Variants in CACNA1G observed in about 807,000 individuals in gnomAD.
CACNA1G encodes calcium voltage-gated channel subunit alpha1 G.
CACNA1G carries 67 observed loss-of-function variants against 219.4 expected under a neutral mutation model. The ratio of observed to expected loss-of-function variants is 0.31; its 90% CI spans 0.25 to 0.37. The LOEUF is 0.37. CACNA1G is among the 10% of genes least tolerant of loss of function. The pLI is 1.00. For synonymous variants in CACNA1G, 1,296 were observed against 1,345.3 expected, an observed-to-expected ratio of 0.96 and a Z score of 0.80; for missense variants, 2,380 against 3,231.4, an observed-to-expected ratio of 0.74 and a Z score of 6.39.
chr17:50,562,589 A>C (rs183845394), intron 1 of CACNA1G, among the ~76,000 whole-genome samples: 1 of 151,962 alleles, frequency 6.6e-6, no homozygotes, highest in African/African-American at 2.4e-5. Flanking sequence ...TTTTTTAGCA[A>C]GTGGGGGATG....
chr17:50,589,551 A>T (rs1360695640), intron 9 of CACNA1G, among the ~76,000 whole-genome samples: 2 of 151,984 alleles, frequency 1.3e-5, no homozygotes, highest in Non-Finnish European at 2.9e-5. Context: ...ATTGCTAGGC[A>T]CTTCATATTG....
rs765508648 is a variant in CACNA1G, at chr17:50,578,262, T to C, written c.1999T>C (p.Cys667Arg). Reference protein sequence around the residue: ...ADSGACGPDSCPYCARAGAGE... With the variant: ...ADSGACGPDSRPYCARAGAGE... ...CAGTGGAGCCTGTGGTCCAGACAGC[T>C]GCCCCTACTGTGCCCGGGCCGGGGC... Residue 667 changes from cysteine to arginine, a missense_variant, in exon 9 of 38, where the codon TGC becomes CGC. Coordinates refer to ENST00000359106, the MANE Select transcript of CACNA1G (RefSeq NM_018896.5). The surrounding 1 kb of genome is among the most constrained non-coding windows in gnomAD (Gnocchi z 4.5). The C allele has an allele frequency of 7.4e-6, 12 of 1,612,464 alleles. No homozygotes were observed. Among genetic ancestry groups the C allele is most frequent in the Non-Finnish European group, 1.0e-5 (12 of 1,179,576 alleles).
In CACNA1G at chr17:50,571,731, G is replaced by A. The variant is rs1377728575; in HGVS notation, c.587-147G>A. ...TGCAGAGGCTATCTGGGGAGTCAGA[G>A]GTGTCTGTTGGTCTCCCCTCCAGCT... On this transcript the variant is annotated intron_variant, in intron 4 of 37. Coordinates refer to ENST00000359106, the MANE Select transcript of CACNA1G (RefSeq NM_018896.5). This position sits in a 1 kb window ranked among gnomAD's most constrained non-coding sequence, Gnocchi z 4.3. 1 of 711,732 alleles carries A rather than the reference G, an allele frequency of 1.4e-6. No homozygotes were observed. The highest frequency in any genetic ancestry group is 2.3e-6 in the Non-Finnish European group (1 of 427,836). The allele number at this position is 711,732 out of a possible 1,614,324, so 44.1% of individuals were successfully genotyped here. A position where few individuals can be genotyped will look rare whatever the true frequency, so the allele number is the denominator to read the frequency against.
At chr17:50,575,508 C>T in intron 7 of CACNA1G, 35 bp from the exon 8 acceptor site, 3 of 1,564,996 alleles carry the variant, frequency 1.9e-6, no homozygotes, top group South Asian at 2.4e-5. Context: ...CACTTTTCTT[C>T]AGGACATTTC....
At chr17:50,619,072 G>A in intron 33 of CACNA1G, 64 bp downstream of exon 33, 2 of 1,308,238 alleles carry the variant, frequency 1.5e-6, no homozygotes, top group Non-Finnish European at 2.0e-6. Context: ...GGAGGGTGGT[G>A]GGCGGGAGCC....
chr17:50,614,584 C>T (rs770029571), intron 26 of CACNA1G, among the ~76,000 whole-genome samples: 14 of 152,334 alleles, frequency 9.2e-5, no homozygotes, highest in Admixed American at 4.6e-4. Flanking sequence ...TCACTAATTA[C>T]GAGAGAAATA....
At position 50,571,454 on chromosome 17, in the gene CACNA1G, T is replaced by C. The variant is rs1024829280; in HGVS notation, c.587-424T>C. Among the ~76,000 whole-genome samples the C allele has an allele frequency of 3.9e-5, 6 of 151,998 alleles. No homozygotes were observed. Among genetic ancestry groups the C allele is most frequent in the Non-Finnish European group, 5.9e-5 (4 of 67,980 alleles). ...AATGTGTGCGGGTGTGGGTGTGTGT[T>C]GGAGAGGGATTCGGAAGCCAAAGCC... On this transcript the variant is annotated intron_variant, in intron 4 of 37. Coordinates refer to ENST00000359106, the MANE Select transcript of CACNA1G (RefSeq NM_018896.5). This position sits in a 1 kb window ranked among gnomAD's most constrained non-coding sequence, Gnocchi z 4.3.
rs770883825 is a variant in CACNA1G at position 50,575,735 on chromosome 17, C to T, written c.1333C>T (p.Arg445Cys). Residue 445 changes from arginine to cysteine, a missense_variant, in exon 8 of 38, where the codon CGT becomes TGT. This residue lies in a region of CACNA1G where 434 missense variants were observed against 417.3 expected (regional missense o/e 1.04). Transcript: ENST00000359106. ...GCTCAAGTACCTGGTGTACATCCTT[C>T]GTAAGGCAGCCCGCAGGCTGGCTCA... Reference protein sequence around the residue: ...ELLKYLVYILRKAARRLAQVS... With the variant: ...ELLKYLVYILCKAARRLAQVS... 5.1e-6 allele frequency: 8 copies of T among 1,583,824 alleles called. No homozygotes were observed. Among genetic ancestry groups the T allele is most frequent in the East Asian group, 4.6e-5 (2 of 43,158 alleles).
At chr17:50,567,346 A>C (rs1481776721) in intron 1 of CACNA1G, among the ~76,000 whole-genome samples, 1 of 152,066 alleles carries the variant, frequency 6.6e-6, no homozygotes, top group Non-Finnish European at 1.5e-5. Flanking sequence ...ATGTGAGTCT[A>C]GGGGAGAAGG....
intron 22 of CACNA1G, among the ~76,000 whole-genome samples, chr17:50,605,193 G>C (rs1422387746): frequency 6.6e-6 from 1 of 152,152 alleles, no homozygotes; most frequent in African/African-American, 2.4e-5. Flanking sequence ...GTGGATTTAG[G>C]TCTGTTTTGA....
In CACNA1G at chr17:50,578,591, C is replaced by T; in HGVS notation, c.2301+27C>T. ...TAGGAGAGTGGGCAGAGGCAGGGCT[C>T]CTGCCAGCTGCTTTTCGCCTGGGGC... On this transcript the variant is annotated intron_variant, in intron 9 of 37. Coordinates refer to ENST00000359106, the MANE Select transcript of CACNA1G (RefSeq NM_018896.5). This position sits in a 1 kb window ranked among gnomAD's most constrained non-coding sequence, Gnocchi z 4.5. 1 of 1,519,400 alleles carries T rather than the reference C, an allele frequency of 6.6e-7. No individual in the cohort carries two copies. The highest frequency in any genetic ancestry group is 8.8e-7 in the Non-Finnish European group (1 of 1,133,292). 94.1% of individuals were successfully genotyped at this position (1,519,400 alleles called of 1,614,324 possible).
In CACNA1G at chr17:50,578,556, C is replaced by T; in HGVS notation, c.2293C>T (p.His765Tyr). 6.4e-7 allele frequency: 1 copy of T among 1,555,460 alleles called. No homozygotes were observed. Among genetic ancestry groups the T allele is most frequent in the Non-Finnish European group, 8.7e-7 (1 of 1,149,750 alleles). ...VNTLSMGIEY[H>Y]EQPEELTNAL... The stretch of plus-strand genomic sequence containing the variant: ...CACACTCAGCATGGGCATCGAATAC[C>T]ACGAGCAGGTAGGAGAGTGGGCAGA... Residue 765 changes from histidine to tyrosine, a missense_variant, in exon 9 of 38, where the codon CAC (histidine) becomes TAC (tyrosine). By Grantham distance (83) the His-to-Tyr change is moderately conservative. Coordinates refer to ENST00000359106, the MANE Select transcript of CACNA1G (RefSeq NM_018896.5). The surrounding 1 kb of genome is among the most constrained non-coding windows in gnomAD (Gnocchi z 4.5).
chr17:50,579,137 A>ATGAGAG (rs1390821346), intron 9 of CACNA1G, among the ~76,000 whole-genome samples: 2 of 152,072 alleles, frequency 1.3e-5, no homozygotes, highest in East Asian at 3.9e-4. Context: ...CTCAGGGTGG[A>ATGAGAG]TGAGAGTGCC....
At chr17:50,609,718 G>A (rs1598615727) in intron 25 of CACNA1G, among the ~76,000 whole-genome samples, 164 bp from the exon 26 acceptor site, 1 of 152,288 alleles carries the variant, frequency 6.6e-6, no homozygotes, top group East Asian at 1.9e-4. Context: ...AGTGCCCTGT[G>A]CCCCCAGCTT....
chr17:50,568,790 C>T (rs1349495046), intron 1 of CACNA1G, 80 bp from the exon 2 acceptor site: 13 of 1,074,200 alleles, frequency 1.2e-5, no homozygotes, highest in Middle Eastern at 2.0e-4. Context: ...AGGAGGTAAA[C>T]GAGGAGGAGG....
At position 50,576,785 on chromosome 17, in the gene CACNA1G, G is replaced by A. The variant is rs547782612; in HGVS notation, c.1924+459G>A. 5.3e-5 allele frequency among the ~76,000 whole-genome samples: 8 copies of A among 152,328 alleles called. No individual in the cohort carries two copies. The East Asian group carries it at 1.2e-3, about 22-fold the overall frequency. On this transcript the variant is annotated intron_variant, in intron 8 of 37. Coordinates refer to ENST00000359106, the MANE Select transcript of CACNA1G (RefSeq NM_018896.5). ...TTGGTGAGGGGCGGACTCGGGGCCCGCACTCGGGACTCCTTGTTGTGAGGC... is the reference window on the plus strand; with the variant it reads ...TTGGTGAGGGGCGGACTCGGGGCCCACACTCGGGACTCCTTGTTGTGAGGC...
chr17:50,606,874 T>C (rs542110407), intron 23 of CACNA1G, 26 bp from the exon 24 acceptor site: 11 of 1,568,964 alleles, frequency 7.0e-6, no homozygotes, highest in Non-Finnish European at 9.7e-6. Flanking sequence ...AGACTTCAAA[T>C]GTCTCCTTCT....
At chr17:50,569,112 G>A (rs1391091030) in intron 2 of CACNA1G, 53 bp from the exon 3 acceptor site, 2 of 1,597,372 alleles carry the variant, frequency 1.3e-6, no homozygotes, top group East Asian at 2.3e-5. Context: ...TGGGACTAGA[G>A]GGTATTCCCT....
intron 7 of CACNA1G, among the ~76,000 whole-genome samples, chr17:50,574,221 T>G (rs1464124821): frequency 2.0e-5 from 3 of 152,094 alleles, no homozygotes. Context: ...GACTCCACAT[T>G]CAGCCTTTCT....
Sources: gnomAD v4.1 joint callset for allele counts (sites outside exome capture counted in the v4.1 genomes callset) on GRCh38, gnomAD v4.1.1 for gene constraint, gnomAD v4.1.1 regional missense constraint, Gnocchi (gnomAD v3.1) non-coding constraint, MANE v1.5 for transcripts, NCBI Gene and HGNC (gene_info 2026-07-23, HGNC 2026-07-21) for gene names.